The following TENM3 variants were observed in gnomAD, a reference collection of about 807,000 sequenced individuals.
TENM3 encodes teneurin transmembrane protein 3.
Under a neutral mutation model 255.1 loss-of-function variants are expected in TENM3, and 63 were observed. That is an observed-to-expected ratio of 0.25 (90% CI 0.20 to 0.30). TENM3 has a LOEUF of 0.30. TENM3 is among the 10% of genes least tolerant of loss of function. The probability of loss-of-function intolerance (pLI) is 1.00; values close to 1 mark genes in which losing one functional copy is unlikely to be tolerated. For missense variants in TENM3, 2,929 were observed against 3,461.1 expected, an observed-to-expected ratio of 0.85 and a Z score of 3.86; for synonymous variants, 1,306 against 1,322.3, an observed-to-expected ratio of 0.99 and a Z score of 0.27.
At chr4:182,716,258 G>A (rs1292904977) in intron 13 of TENM3, among the ~76,000 whole-genome samples, 1 of 152,216 alleles carries the variant, frequency 6.6e-6, no homozygotes, top group Non-Finnish European at 1.5e-5. Flanking sequence ...AGGGAAGCGG[G>A]CTGCAGGACC....
the TENM3 span, among the ~76,000 whole-genome samples, chr4:182,092,557 C>T: frequency 1.3e-5 from 2 of 152,080 alleles, no homozygotes; most frequent in South Asian, 2.1e-4. Context: ...CCAAGGTGGA[C>T]CTCGAGGTTG....
At chr4:182,574,279 AT>A (rs1349543142) in intron 3 of TENM3, among the ~76,000 whole-genome samples, 1 of 152,074 alleles carries the variant, frequency 6.6e-6, no homozygotes, top group Non-Finnish European at 1.5e-5. Context: ...CAGAACTGCA[AT>A]TTACCATGGC....
In TENM3 at chr4:182,672,991, T is replaced by C. The variant is rs749337249; in HGVS notation, c.1112-14T>C. On this transcript the variant is annotated splice_polypyrimidine_tract_variant and intron_variant, in intron 6 of 27. Transcript: ENST00000511685. Reference sequence around the variant, plus strand: ...AAAAAATTTGTTCTTCATCAGTGCATCTCTTACATTCAGGAAAATTAGGTG... The same window carrying C: ...AAAAAATTTGTTCTTCATCAGTGCACCTCTTACATTCAGGAAAATTAGGTG... 4 of 1,543,858 alleles carry C rather than the reference T, an allele frequency of 2.6e-6. No homozygotes were observed. The African/African-American group carries it at 4.1e-5, about 16-fold the overall frequency.
At chr4:181,871,795 T>G in the TENM3 span, among the ~76,000 whole-genome samples, 3 of 152,136 alleles carry the variant, frequency 2.0e-5, no homozygotes, top group Non-Finnish European at 4.4e-5. Context: ...TGTCAAAAGC[T>G]TTCCTTCCTT....
At chr4:181,610,099 G>A in the TENM3 span, among the ~76,000 whole-genome samples, 8 of 152,212 alleles carry the variant, frequency 5.3e-5, no homozygotes, top group Non-Finnish European at 1.2e-4. Context: ...AAGACTTTAT[G>A]TGAAGTGAAA....
At chr4:182,671,341 A>T (rs543507994) in intron 6 of TENM3, among the ~76,000 whole-genome samples, 8 of 152,158 alleles carry the variant, frequency 5.3e-5, no homozygotes, top group African/African-American at 1.9e-4. Context: ...TTCTGGCCAG[A>T]TGGATTTCTC....
chr4:181,657,640 G>T, the TENM3 span, among the ~76,000 whole-genome samples: 1 of 152,108 alleles, frequency 6.6e-6, no homozygotes, highest in African/African-American at 2.4e-5. Context: ...CCATGACTGG[G>T]TATATATCCA....
chr4:181,484,564 T>C, the TENM3 span, among the ~76,000 whole-genome samples: 1 of 152,152 alleles, frequency 6.6e-6, no homozygotes, highest in African/African-American at 2.4e-5. Flanking sequence ...GCATAGTAAT[T>C]AGGGCTTTGT....
the TENM3 span, among the ~76,000 whole-genome samples, chr4:182,065,179 C>T: frequency 3.3e-5 from 5 of 152,002 alleles, no homozygotes; most frequent in East Asian, 1.9e-4. Context: ...GGACTATAGG[C>T]ATGTGGCACC....
the TENM3 span, among the ~76,000 whole-genome samples, chr4:181,953,841 A>C: frequency 6.6e-6 from 1 of 152,094 alleles, no homozygotes; most frequent in Non-Finnish European, 1.5e-5. Flanking sequence ...TATTTCAATA[A>C]ATTTTGACAT....
the TENM3 span, among the ~76,000 whole-genome samples, chr4:181,533,402 C>A: frequency 2.0e-5 from 3 of 152,154 alleles, no homozygotes; most frequent in Non-Finnish European, 1.5e-5. Context: ...TGATCAGTCA[C>A]CCTCTGGGGA....
chr4:181,939,358 A>G, the TENM3 span, among the ~76,000 whole-genome samples: 2 of 152,144 alleles, frequency 1.3e-5, no homozygotes, highest in East Asian at 1.9e-4. Flanking sequence ...CTGTTCACCA[A>G]AAAGGTGGTA....
At chr4:182,727,114 T>C (rs1468829650) in intron 13 of TENM3, among the ~76,000 whole-genome samples, 1 of 152,194 alleles carries the variant, frequency 6.6e-6, no homozygotes, top group East Asian at 1.9e-4. Flanking sequence ...CAGAAACTGA[T>C]ATTTTTATTA....
intron 3 of TENM3, among the ~76,000 whole-genome samples, chr4:182,523,068 A>G (rs1307491880): frequency 1.3e-5 from 2 of 151,716 alleles, no homozygotes; most frequent in African/African-American, 2.4e-5. Flanking sequence ...GCATTTTTTT[A>G]TATACATGTT....
chr4:182,296,073 C>T (rs1325397915), intron 1 of TENM3, among the ~76,000 whole-genome samples: 3 of 152,134 alleles, frequency 2.0e-5, no homozygotes, highest in African/African-American at 7.2e-5. Flanking sequence ...AGGCAATTCT[C>T]CTGCCTCAGC....
At chr4:182,510,637 G>A (rs530458146) in intron 3 of TENM3, among the ~76,000 whole-genome samples, 1 of 152,284 alleles carries the variant, frequency 6.6e-6, no homozygotes, top group East Asian at 1.9e-4. Context: ...TTACCACTAG[G>A]AAGTGCAGGG....
chr4:182,590,194 A>G (rs1746459782), intron 3 of TENM3, among the ~76,000 whole-genome samples: 1 of 152,136 alleles, frequency 6.6e-6, no homozygotes, highest in African/African-American at 2.4e-5. Context: ...GTTTAAGACA[A>G]CATAGGAGAT....
the TENM3 span, among the ~76,000 whole-genome samples, chr4:181,908,767 T>C: frequency 6.6e-6 from 1 of 152,306 alleles, no homozygotes; most frequent in African/African-American, 2.4e-5. Flanking sequence ...TAAAAGATAG[T>C]GTTACACGGT....
the TENM3 span, among the ~76,000 whole-genome samples, chr4:181,751,477 A>T: frequency 6.6e-6 from 1 of 151,326 alleles, no homozygotes; most frequent in African/African-American, 2.4e-5. Context: ...AGACTATTAC[A>T]CTTCTTCTAT....
Sources: allele counts gnomAD v4.1 joint callset (sites outside exome capture counted in the v4.1 genomes callset), GRCh38; gene constraint gnomAD v4.1.1; transcripts MANE v1.5; gene names NCBI Gene and HGNC (gene_info 2026-07-23, HGNC 2026-07-21).